SNRPG: variants seen among roughly 807,000 people sequenced by gnomAD.
The protein encoded by SNRPG is small nuclear ribonucleoprotein polypeptide G.
A neutral mutation model predicts 13.9 loss-of-function variants in SNRPG; 3 were observed. The observed-to-expected ratio is 0.22, with a 90% CI of 0.10 to 0.56. The LOEUF (loss-of-function observed/expected upper bound fraction) is 0.56, where lower values mean the gene tolerates loss of function less well. Ranked by LOEUF, SNRPG falls within the 20% of genes least tolerant of loss-of-function variation. SNRPG has a pLI of 0.93. For synonymous variants in SNRPG, 29 were observed against 29.3 expected (o/e 0.99, Z 0.03); for missense variants, 34 against 96.1 (o/e 0.35, Z 2.70).
chr2:70,283,122 A>AAAAAC lies in SNRPG; in HGVS notation c.181-1439_181-1438insGTTTT, dbSNP rs1241967786. On this transcript the variant is annotated intron_variant, in intron 3 of 3. Coordinates refer to ENST00000272348, the MANE Select transcript of SNRPG (RefSeq NM_003096.4). ...AAAAAAAAAAAAAAAAAAAAAAAAAAAACAACAAACCAAAACCAAAACAAA... is the reference window on the plus strand; with the variant it reads ...AAAAAAAAAAAAAAAAAAAAAAAAAAAAAACAACAACAAACCAAAACCAAAACAAA... 5.0e-3 allele frequency among the ~76,000 whole-genome samples: 414 copies of AAAAAC among 82,930 alleles called. 39 individuals are homozygous for AAAAAC. Among genetic ancestry groups the AAAAAC allele is most frequent in the African/African-American group, 0.012 (294 of 24,478 alleles). The allele number at this position is 82,930 out of a possible 152,430, so 54.4% of individuals were successfully genotyped here. A position where few individuals can be genotyped will look rare whatever the true frequency, so the allele number is the denominator to read the frequency against.
chr2:70,285,171 G>C (rs1696908273), intron 3 of SNRPG, among the ~76,000 whole-genome samples: 1 of 152,204 alleles, frequency 6.6e-6, no homozygotes, highest in South Asian at 2.1e-4. Context: ...TCCTTTAAGT[G>C]AAAAGGTACA....
chr2:70,289,569 T>C (rs1049590329), intron 1 of SNRPG, among the ~76,000 whole-genome samples, 197 bp from the exon 2 acceptor site: 2 of 152,150 alleles, frequency 1.3e-5, no homozygotes, highest in African/African-American at 2.4e-5. Flanking sequence ...CCCAGCACTT[T>C]AGGGGGCTGA....
At chr2:70,293,588 C>T in intron 1 of SNRPG, 30 bp downstream of exon 1, 6 of 1,600,924 alleles carry the variant, frequency 3.7e-6, no homozygotes, top group Non-Finnish European at 5.1e-6. Context: ...AATAACTGAC[C>T]ACTTCGGTTT....
At chr2:70,285,785 C>A (rs898493375) in intron 3 of SNRPG, among the ~76,000 whole-genome samples, 1 of 152,126 alleles carries the variant, frequency 6.6e-6, no homozygotes, top group African/African-American at 2.4e-5. Flanking sequence ...AATGATGCTA[C>A]AGAAGGACAA....
intron 3 of SNRPG, among the ~76,000 whole-genome samples, chr2:70,282,585 T>A (rs1444753636): frequency 6.6e-6 from 1 of 152,192 alleles, no homozygotes; most frequent in Non-Finnish European, 1.5e-5. Flanking sequence ...AAGCTTCAAA[T>A]GCCAATCTTA....
intron 3 of SNRPG, among the ~76,000 whole-genome samples, chr2:70,284,653 G>C (rs1696895821): frequency 6.6e-6 from 1 of 152,076 alleles, no homozygotes; most frequent in Non-Finnish European, 1.5e-5. Context: ...CAAAGTGCTG[G>C]GATTACAGGT....
chr2:70,281,706 T>C (rs1226137682), intron 3 of SNRPG, 22 bp from the exon 4 acceptor site: 5 of 1,363,300 alleles, frequency 3.7e-6, no homozygotes, highest in Non-Finnish European at 1.0e-6. Context: ...AAAAATAAAT[T>C]TGAAAAGAAC....
Position 70,281,443 on chromosome 2 carries a change from T to A in SNRPG, c.*191A>T. 1 of 413,398 alleles carries A rather than the reference T, an allele frequency of 2.4e-6. No individual in the cohort carries two copies. The highest frequency in any genetic ancestry group is 6.2e-5 in the South Asian group (1 of 16,162). The allele number at this position is 413,398 out of a possible 1,614,324, so 25.6% of individuals were successfully genotyped here. A position where few individuals can be genotyped will look rare whatever the true frequency, so the allele number is the denominator to read the frequency against. On this transcript the variant is annotated 3_prime_UTR_variant, in exon 4 of 4. Transcript: ENST00000272348. ...TGAAATCAATGTCAACCAGGAAAAT[T>A]CATGTTAGAAAAAACTGGAATGAGA...
intron 1 of SNRPG, among the ~76,000 whole-genome samples, chr2:70,291,490 G>A (rs1697095977): frequency 6.6e-6 from 1 of 152,056 alleles, no homozygotes; most frequent in Admixed American, 6.6e-5. Context: ...GTATTGTTGG[G>A]GGCAGTCGAA....
At chr2:70,293,439 G>C in intron 1 of SNRPG, 179 bp downstream of exon 1, 3 of 691,748 alleles carry the variant, frequency 4.3e-6, no homozygotes, top group South Asian at 3.2e-5. Context: ...ACCGACGCGC[G>C]AGCTCTGCGC....
At position 70,288,276 on chromosome 2, in the gene SNRPG, A is replaced by T; in HGVS notation, c.56-84T>A. The T allele has an allele frequency of 3.4e-6, 4 of 1,190,780 alleles. No individual in the cohort carries two copies. The South Asian group carries it at 4.9e-5, about 15-fold the overall frequency. The allele number at this position is 1,190,780 out of a possible 1,614,324, so 73.8% of individuals were successfully genotyped here. ...CTAAAAATCAGGTGGGATAAAACACAAGTATTTGAGATGTCTGAAACCCAC... is the reference window on the plus strand; with the variant it reads ...CTAAAAATCAGGTGGGATAAAACACTAGTATTTGAGATGTCTGAAACCCAC... On this transcript the variant is annotated intron_variant, in intron 2 of 3. Coordinates refer to ENST00000272348, the MANE Select transcript of SNRPG (RefSeq NM_003096.4).
chr2:70,291,014 A>AACACACACACACACACACAC (rs56202448), intron 1 of SNRPG, among the ~76,000 whole-genome samples: 5 of 133,584 alleles, frequency 3.7e-5, no homozygotes, highest in Non-Finnish European at 4.7e-5. Context: ...TCCATCTCAA[A>AACACACACACACACACACAC]ACACACACAC....
chr2:70,288,291 C>T, intron 2 of SNRPG, 99 bp from the exon 3 acceptor site: 2 of 904,354 alleles, frequency 2.2e-6, no homozygotes, highest in Non-Finnish European at 3.6e-6. Flanking sequence ...TTTGAGATGT[C>T]TGAAACCCAC....
chr2:70,283,122 A>AACAAC (rs1553474954), intron 3 of SNRPG, among the ~76,000 whole-genome samples: 1 of 82,962 alleles, frequency 1.2e-5, no homozygotes, highest in Non-Finnish European at 2.5e-5. Flanking sequence ...AAAAAAAAAA[A>AACAAC]AACAACAAAC....
intron 3 of SNRPG, 183 bp downstream of exon 3, chr2:70,287,885 T>A: frequency 1.6e-6 from 1 of 612,320 alleles, no homozygotes; most frequent in Non-Finnish European, 2.9e-6. Context: ...ATAGTTGAGA[T>A]CTTACCTACA....
At chr2:70,290,317 A>C (rs1303980344) in intron 1 of SNRPG, among the ~76,000 whole-genome samples, 1 of 152,178 alleles carries the variant, frequency 6.6e-6, no homozygotes, top group Non-Finnish European at 1.5e-5. Flanking sequence ...CTTTTATTTA[A>C]TATTAAAGCA....
chr2:70,287,600 G>A (rs749027136), intron 3 of SNRPG, among the ~76,000 whole-genome samples: 4 of 152,196 alleles, frequency 2.6e-5, no homozygotes, highest in Non-Finnish European at 4.4e-5. Context: ...GAAAATCCAG[G>A]TTAACTATGT....
At chr2:70,285,770 G>A (rs754361342) in intron 3 of SNRPG, among the ~76,000 whole-genome samples, 2 of 151,870 alleles carry the variant, frequency 1.3e-5, no homozygotes, top group Non-Finnish European at 2.9e-5. Flanking sequence ...CCTTTTTTGT[G>A]CTTCAATGAT....
rs145935734 is a variant in SNRPG at position 70,293,122 on chromosome 2, GAGGTTTCTA to G, written c.32+487_32+495del. ...GTAAAAGAAGGCAAGAAAAAGGAATGAGGTTTCTAAGTAAAAGCTCAAACACCTACAAAC... is the reference window on the plus strand; with the variant it reads ...GTAAAAGAAGGCAAGAAAAAGGAATGAGTAAAAGCTCAAACACCTACAAAC... On this transcript the variant is annotated intron_variant, in intron 1 of 3. Coordinates refer to ENST00000272348, the MANE Select transcript of SNRPG (RefSeq NM_003096.4). 1,258 of 702,338 alleles carry G rather than the reference GAGGTTTCTA, an allele frequency of 1.8e-3. 13 individuals are homozygous for G. The African/African-American group carries it at 0.02, about 11-fold the overall frequency. The allele number at this position is 702,338 out of a possible 1,614,324, so 43.5% of individuals were successfully genotyped here.
Sources: gnomAD v4.1 joint callset for allele counts (sites outside exome capture counted in the v4.1 genomes callset) on GRCh38, gnomAD v4.1.1 for gene constraint, MANE v1.5 for transcripts, NCBI Gene and HGNC (gene_info 2026-07-23, HGNC 2026-07-21) for gene names.